Variants in NIN observed in about 807,000 individuals in gnomAD.
NIN encodes ninein, also known as glycogen synthase kinase 3 beta-interacting protein.
A neutral mutation model predicts 257.6 loss-of-function variants in NIN; 137 were observed. The ratio of observed to expected loss-of-function variants is 0.53; its 90% CI spans 0.46 to 0.61. The LOEUF (loss-of-function observed/expected upper bound fraction) is 0.61, where lower values mean the gene tolerates loss of function less well. Ranked by LOEUF, NIN falls within the 20% of genes least tolerant of loss-of-function variation. The probability of loss-of-function intolerance (pLI) is 0.00; values close to 1 mark genes in which losing one functional copy is unlikely to be tolerated. For synonymous variants in NIN, 918 were observed against 919.8 expected (o/e 1.00, Z 0.04); for missense variants, 2,439 against 2,501.2 (o/e 0.98, Z 0.53).
intron 2 of NIN, 38 bp from the exon 3 acceptor site, chr14:50,822,115 C>G (rs1595945988): frequency 1.4e-6 from 2 of 1,461,268 alleles, no homozygotes; most frequent in African/African-American, 2.8e-5. Context: ...GTTGTGGCAG[C>G]CTCTCCAGTC....
chr14:50,800,206 A>T (rs1189526233), intron 4 of NIN, among the ~76,000 whole-genome samples: 1 of 152,188 alleles, frequency 6.6e-6, no homozygotes, highest in East Asian at 1.9e-4. Context: ...ACAGTTTAAT[A>T]GCTACTTAGT....
intron 22 of NIN, among the ~76,000 whole-genome samples, chr14:50,746,088 TTG>T (rs1374509240): frequency 4.0e-5 from 6 of 151,774 alleles, no homozygotes; most frequent in African/African-American, 1.2e-4. Context: ...CCCCATCATG[TTG>T]TTTTTCTCCT....
At position 50,752,460 on chromosome 14, in the gene NIN, T is replaced by C; in HGVS notation, c.4950+58A>G. The C allele has an allele frequency of 1.4e-5, 18 of 1,292,294 alleles. No homozygotes were observed. The South Asian group carries it at 2.2e-4, about 16-fold the overall frequency. 80.1% of individuals were successfully genotyped at this position (1,292,294 alleles called of 1,614,324 possible). ...TGTTTAAGGAAGTTTAATACAAACA[T>C]TTCTTCTATTTCTTGGGATTTCCTC... On this transcript the variant is annotated intron_variant, in intron 21 of 30. Transcript: ENST00000530997.
At chr14:50,749,852 A>G (rs1287212539) in intron 21 of NIN, among the ~76,000 whole-genome samples, 3 of 151,826 alleles carry the variant, frequency 2.0e-5, no homozygotes, top group African/African-American at 7.3e-5. Flanking sequence ...ACCATGCCCT[A>G]CTAATTTTTT....
chr14:50,821,289 A>G (rs2045207620), intron 3 of NIN, among the ~76,000 whole-genome samples: 1 of 152,258 alleles, frequency 6.6e-6, no homozygotes, highest in Non-Finnish European at 1.5e-5. Flanking sequence ...GACTTGATCT[A>G]TGGTAATAAC....
chr14:50,739,657 C>A (rs912180481), intron 25 of NIN, among the ~76,000 whole-genome samples, 170 bp from the exon 26 acceptor site: 1 of 152,196 alleles, frequency 6.6e-6, no homozygotes, highest in Non-Finnish European at 1.5e-5. Flanking sequence ...ATGAATAAAA[C>A]AATATTCTTG....
chr14:50,736,139 C>T (rs552779236), intron 27 of NIN, among the ~76,000 whole-genome samples: 1 of 151,818 alleles, frequency 6.6e-6, no homozygotes, highest in African/African-American at 2.4e-5. Context: ...TTCGTGAGTA[C>T]CTTTTTTTTT....
intron 25 of NIN, among the ~76,000 whole-genome samples, chr14:50,740,325 T>A (rs1416116913): frequency 6.7e-6 from 1 of 150,070 alleles, no homozygotes; most frequent in Non-Finnish European, 1.5e-5. Context: ...TAGCTGGGAT[T>A]ATGGGCGCAT....
intron 16 of NIN, among the ~76,000 whole-genome samples, chr14:50,761,107 TA>T (rs2042258207): frequency 6.6e-6 from 1 of 151,920 alleles, no homozygotes; most frequent in Non-Finnish European, 1.5e-5. Flanking sequence ...ATGACAACTA[TA>T]AGTACAGTAG....
At chr14:50,739,915 A>T (rs543374108) in intron 25 of NIN, among the ~76,000 whole-genome samples, 2 of 152,372 alleles carry the variant, frequency 1.3e-5, no homozygotes, top group African/African-American at 4.8e-5. Flanking sequence ...CCAACTCAAA[A>T]GCTTTCATAG....
chr14:50,769,222 A>G (rs968263845), intron 12 of NIN, among the ~76,000 whole-genome samples: 4 of 152,192 alleles, frequency 2.6e-5, no homozygotes, highest in African/African-American at 9.7e-5. Context: ...TATGGTGCCC[A>G]TTTTTAACAT....
In NIN at chr14:50,758,522, C is replaced by G. The variant is rs762259369; in HGVS notation, c.2508G>C (p.Leu836=). ...TERCESALQS[L]EGRYRQELKD... is the part of the protein sequence containing the mutation. ...TCAGCTCTTGGCGGTAGCGCCCCTCCAGGCTTTGCAGAGCGCTTTCACACC... is the reference window on the plus strand; with the variant it reads ...TCAGCTCTTGGCGGTAGCGCCCCTCGAGGCTTTGCAGAGCGCTTTCACACC... Residue 836 remains leucine, a synonymous_variant, in exon 18 of 31, where the codon CTG becomes CTC. Coordinates refer to ENST00000530997, the MANE Select transcript of NIN (RefSeq NM_020921.4). 1.9e-6 allele frequency: 3 copies of G among 1,614,218 alleles called. No individual in the cohort carries two copies. The highest frequency in any genetic ancestry group is 2.5e-6 in the Non-Finnish European group (3 of 1,180,034).
At chr14:50,821,803 C>T (rs1055458229) in intron 3 of NIN, 71 bp downstream of exon 3, 12 of 1,259,830 alleles carry the variant, frequency 9.5e-6, no homozygotes, top group East Asian at 2.3e-5. Context: ...ATGTGTGGTC[C>T]GCCCCACCCC....
chr14:50,760,200 G>C lies in NIN; in HGVS notation c.2056C>G (p.Leu686Val). 6.2e-7 allele frequency: 1 copy of C among 1,613,942 alleles called. No individual in the cohort carries two copies. The highest frequency in any genetic ancestry group is 2.2e-5 in the East Asian group (1 of 44,852). Residue 686 changes from leucine (L) to valine (V), a missense_variant, in exon 17 of 31, where the codon CTC (leucine) becomes GTC (valine). By Grantham distance (32) the Leu-to-Val change is conservative (BLOSUM62 1). Coordinates refer to ENST00000530997, the MANE Select transcript of NIN (RefSeq NM_020921.4). ...GTGGCCTCATGATGTGCCTCCTTGA[G>C]CACTGCTGCTTGCCCCTGAAGTTCA... ...IAELQGQAAVLKEAHHEATCR... is the reference protein window; with the variant it reads ...IAELQGQAAVVKEAHHEATCR...
intron 25 of NIN, among the ~76,000 whole-genome samples, chr14:50,739,846 A>G (rs1345131910): frequency 5.9e-5 from 9 of 152,276 alleles, no homozygotes; most frequent in Non-Finnish European, 1.0e-4. Flanking sequence ...GTTATCTTTA[A>G]GCCCAGAAGA....
chr14:50,725,713 A>G (rs1339276970), intron 30 of NIN: 1 of 625,730 alleles, frequency 1.6e-6, no homozygotes, highest in Non-Finnish European at 2.7e-6. Flanking sequence ...GTTAGCAAAG[A>G]TTTACACTTT....
Position 50,758,470 on chromosome 14 carries a change from C to T in NIN, c.2560G>A (p.Glu854Lys). The stretch of plus-strand genomic sequence containing the variant: ...TTCTCAAATTCCCACTGGGATTTCT[C>T]CTCACGCTGCTGTTCCTGGAGGTCC... ...LKDLQEQQRE[E>K]KSQWEFEKDE... The change falls in exon 18 of 31, where the codon GAG becomes AAG. Residue 854 changes from glutamate (E) to lysine (K), a missense_variant. Coordinates refer to ENST00000530997, the MANE Select transcript of NIN (RefSeq NM_020921.4). 2.5e-6 allele frequency: 4 copies of T among 1,614,232 alleles called. No homozygotes were observed. Among genetic ancestry groups the T allele is most frequent in the Non-Finnish European group, 2.5e-6 (3 of 1,180,032 alleles).
At chr14:50,752,481 T>TCC in intron 21 of NIN, 37 bp downstream of exon 21, 2 of 1,454,458 alleles carry the variant, frequency 1.4e-6, no homozygotes, top group Non-Finnish European at 1.9e-6. Context: ...TCTTGGGATT[T>TCC]CCTCAAAAAA....
At chr14:50,823,133 G>A (rs780972250) in intron 2 of NIN, 5 of 521,740 alleles carry the variant, frequency 9.6e-6, no homozygotes, top group East Asian at 4.3e-5. Context: ...CAGGTAGCTC[G>A]TATTTTACTA....
Sources: allele counts gnomAD v4.1 joint callset (sites outside exome capture counted in the v4.1 genomes callset), GRCh38; gene constraint gnomAD v4.1.1; transcripts MANE v1.5; gene names NCBI Gene and HGNC (gene_info 2026-07-23, HGNC 2026-07-21).